Variants in AASDHPPT observed in about 807,000 individuals in gnomAD.
AASDHPPT encodes aminoadipate-semialdehyde dehydrogenase-phosphopantetheinyl transferase.
Under a neutral mutation model 36.4 loss-of-function variants are expected in AASDHPPT, and 23 were observed. That is an observed-to-expected ratio of 0.63 (90% CI 0.45 to 0.89). The LOEUF (loss-of-function observed/expected upper bound fraction) is 0.89. Ranked by LOEUF, AASDHPPT falls within the 40% of genes least tolerant of loss-of-function variation. AASDHPPT has a pLI of 0.00. For missense variants in AASDHPPT, 377 were observed against 378.2 expected, an observed-to-expected ratio of 1.00 and a Z score of 0.03; for synonymous variants, 115 against 128.0, an observed-to-expected ratio of 0.90 and a Z score of 0.68.
chr11:106,089,545 T>C (rs1786428760), intron 2 of AASDHPPT: 2 of 152,096 alleles, frequency 1.3e-5, no homozygotes, highest in Non-Finnish European at 2.9e-5. Flanking sequence ...GGCTCTCTGA[T>C]AGGCCCATTA....
intron 2 of AASDHPPT, among the ~76,000 whole-genome samples, chr11:106,080,527 C>T (rs1861128196): frequency 6.6e-6 from 1 of 152,178 alleles, no homozygotes; most frequent in African/African-American, 2.4e-5. Context: ...ATACTAAATA[C>T]AGGTTCTCTT....
In AASDHPPT at chr11:106,095,899, A is replaced by G. The variant is rs184426874; in HGVS notation, c.766-844A>G. ...CATAGAGCTTTATAATTGTTGAAAC[A>G]TTTGCATATTCAGTACTTTTCATTT... is the stretch of plus-strand genomic sequence containing the variant. On this transcript the variant is annotated intron_variant, in intron 5 of 5. Transcript: ENST00000278618. 8 of 152,334 alleles carry G rather than the reference A, an allele frequency of 5.3e-5. No homozygotes were observed. The East Asian group carries it at 1.5e-3, about 29-fold the overall frequency. The allele number at this position is 152,334 out of a possible 1,614,324, so 9.4% of individuals were successfully genotyped here. A position where few individuals can be genotyped will look rare whatever the true frequency, so the allele number is the denominator to read the frequency against.
At position 106,094,632 on chromosome 11, in the gene AASDHPPT, C is replaced by T. The variant is rs1300475809; in HGVS notation, c.743C>T (p.Pro248Leu). 1 of 1,604,022 alleles carries T rather than the reference C, an allele frequency of 6.2e-7. No homozygotes were observed. Among genetic ancestry groups the T allele is most frequent in the Non-Finnish European group, 8.5e-7 (1 of 1,174,978 alleles). The change falls in exon 5 of 6, where the codon CCC (proline) becomes CTC (leucine). Residue 248 changes from proline to leucine, a missense_variant. By Grantham distance (98) the Pro-to-Leu change is moderately conservative. Coordinates refer to ENST00000278618, the MANE Select transcript of AASDHPPT (RefSeq NM_015423.3). ...TTTGTTGCAGTTGCTCTTAGGAAAC[C>T]CGATGGATCTAGACATCAGGATGTA... is the stretch of plus-strand genomic sequence containing the variant. Reference protein sequence around the residue: ...HHFVAVALRKPDGSRHQDVPS... With the variant: ...HHFVAVALRKLDGSRHQDVPS...
rs986238064 is a variant in AASDHPPT, at chr11:106,097,459, A to G, written c.*552A>G. 4 of 152,472 alleles carry G rather than the reference A, an allele frequency of 2.6e-5. No individual in the cohort carries two copies. Among genetic ancestry groups the G allele is most frequent in the African/African-American group, 9.6e-5 (4 of 41,460 alleles). The allele number at this position is 152,472 out of a possible 1,614,324, so 9.4% of individuals were successfully genotyped here. ...CTTTTGGCCAGAGGTAACAGTGTCC[A>G]AATATAATTGGCCTAAGTAACCTAG... On this transcript the variant is annotated 3_prime_UTR_variant, in exon 6 of 6. Transcript: ENST00000278618.
At chr11:106,078,803 G>GT (rs1405586864) in intron 1 of AASDHPPT, among the ~76,000 whole-genome samples, 2 of 152,074 alleles carry the variant, frequency 1.3e-5, no homozygotes, top group Non-Finnish European at 2.9e-5. Flanking sequence ...TTATATTCTT[G>GT]TTTTTTTGTG....
intron 3 of AASDHPPT, 127 bp from the exon 4 acceptor site, chr11:106,091,189 A>T (rs536276238): frequency 3.3e-5 from 24 of 736,468 alleles, no homozygotes; most frequent in African/African-American, 7.4e-5. Context: ...GTTTTTTTTT[A>T]AAAAGGTTAT....
chr11:106,078,240 A>AT (rs935072070), intron 1 of AASDHPPT, among the ~76,000 whole-genome samples: 33 of 151,404 alleles, frequency 2.2e-4, no homozygotes, highest in Admixed American at 6.6e-4. Context: ...TTTAAATGTT[A>AT]TTTTTTTTTG....
Position 106,077,908 on chromosome 11 carries a change from T to A in AASDHPPT, c.183+15T>A. 6.2e-7 allele frequency: 1 copy of A among 1,612,532 alleles called. No homozygotes were observed. The highest frequency in any genetic ancestry group is 8.5e-7 in the Non-Finnish European group (1 of 1,178,924). ...AGGCAGCCATGGTACTACAGGTCTT[T>A]TTTGGTATTTAGAGCCTAGGAAGCA... On this transcript the variant is annotated intron_variant, in intron 1 of 5. Coordinates refer to ENST00000278618, the MANE Select transcript of AASDHPPT (RefSeq NM_015423.3).
intron 4 of AASDHPPT, 80 bp from the exon 5 acceptor site, chr11:106,094,503 G>T: frequency 9.7e-7 from 1 of 1,031,352 alleles, no homozygotes; most frequent in South Asian, 1.6e-5. Flanking sequence ...GAGAGAGAAT[G>T]AGATTTAGAA....
chr11:106,082,138 A>G (rs1265296038), intron 2 of AASDHPPT, among the ~76,000 whole-genome samples: 1 of 152,190 alleles, frequency 6.6e-6, no homozygotes, highest in East Asian at 1.9e-4. Context: ...TTACTTGACT[A>G]ATCACAATGT....
intron 2 of AASDHPPT, among the ~76,000 whole-genome samples, chr11:106,089,983 T>C (rs1322862109): frequency 6.6e-6 from 1 of 152,000 alleles, no homozygotes; most frequent in African/African-American, 2.4e-5. Flanking sequence ...TTGGAAAACA[T>C]TTTGAAGAAG....
At chr11:106,081,272 A>G (rs904518226) in intron 2 of AASDHPPT, among the ~76,000 whole-genome samples, 14 of 152,172 alleles carry the variant, frequency 9.2e-5, no homozygotes, top group African/African-American at 3.4e-4. Flanking sequence ...AAACCTTTCC[A>G]GTACAACTCT....
chr11:106,091,433 C>A lies in AASDHPPT; in HGVS notation c.649C>A (p.Arg217Ser). 1 of 1,598,826 alleles carries A rather than the reference C, an allele frequency of 6.3e-7. No homozygotes were observed. Among genetic ancestry groups the A allele is most frequent in the Non-Finnish European group, 8.5e-7 (1 of 1,175,128 alleles). Residue 217 changes from arginine to serine, a missense_variant, in exon 4 of 6, where the codon CGT becomes AGT. Physicochemically the swap from Arg to Ser is moderately radical, Grantham distance 110 (BLOSUM62 -1). Transcript: ENST00000278618. ...TATAGGCCAAGTTTATAAAGAAACA[C>A]GTTTATTCCTGGATGGAGAGGAAGA... ...LDIGQVYKET[R>S]LFLDGEEEKE...
At chr11:106,088,386 A>C (rs1314877600) in intron 2 of AASDHPPT, among the ~76,000 whole-genome samples, 1 of 152,102 alleles carries the variant, frequency 6.6e-6, no homozygotes, top group Non-Finnish European at 1.5e-5. Context: ...ATCTTTTTAA[A>C]TGCAGATTTT....
chr11:106,088,723 G>A (rs532991039), intron 2 of AASDHPPT, among the ~76,000 whole-genome samples: 2 of 152,134 alleles, frequency 1.3e-5, no homozygotes, highest in South Asian at 4.1e-4. Context: ...GTCTCAGGAA[G>A]GTGTTGAGGA....
chr11:106,081,711 C>T (rs1389023025), intron 2 of AASDHPPT, among the ~76,000 whole-genome samples: 4 of 152,026 alleles, frequency 2.6e-5, no homozygotes, highest in African/African-American at 9.7e-5. Flanking sequence ...ACTTGATGGG[C>T]AGTGTTGGCT....
chr11:106,090,332 C>G (rs1428409270), intron 2 of AASDHPPT, among the ~76,000 whole-genome samples: 1 of 151,980 alleles, frequency 6.6e-6, no homozygotes, highest in Non-Finnish European at 1.5e-5. Flanking sequence ...TTAAACTACT[C>G]TTATATTTCT....
At chr11:106,084,379 G>T (rs1861175909) in intron 2 of AASDHPPT, among the ~76,000 whole-genome samples, 1 of 152,112 alleles carries the variant, frequency 6.6e-6, no homozygotes, top group Non-Finnish European at 1.5e-5. Flanking sequence ...TAAATTAATG[G>T]TGGATGCATT....
At chr11:106,082,111 G>C (rs990917907) in intron 2 of AASDHPPT, among the ~76,000 whole-genome samples, 49 of 152,016 alleles carry the variant, frequency 3.2e-4, no homozygotes, top group Non-Finnish European at 6.6e-4. Context: ...CCCCCCACCA[G>C]TTTTTTTTAG....
Sources: allele counts gnomAD v4.1 joint callset (sites outside exome capture counted in the v4.1 genomes callset), GRCh38; gene constraint gnomAD v4.1.1; transcripts MANE v1.5; gene names NCBI Gene and HGNC (gene_info 2026-07-23, HGNC 2026-07-21).